Variants in ATP6V0A1 observed in about 807,000 individuals in gnomAD.
The protein encoded by ATP6V0A1 is V-type proton ATPase 116 kDa subunit a 1.
Under a neutral mutation model 105.4 loss-of-function variants are expected in ATP6V0A1, and 43 were observed. The ratio of observed to expected loss-of-function variants is 0.41; its 90% CI spans 0.32 to 0.53. The LOEUF is 0.53. Among genes scored for constraint, ATP6V0A1 ranks in the 20% least tolerant of loss-of-function variants. ATP6V0A1 has a pLI of 0.30. For synonymous variants in ATP6V0A1, 362 were observed against 372.8 expected, an observed-to-expected ratio of 0.97 and a Z score of 0.33; for missense variants, 676 against 1,051.1, an observed-to-expected ratio of 0.64 and a Z score of 4.93.
intron 2 of ATP6V0A1, among the ~76,000 whole-genome samples, chr17:42,462,388 T>G (rs1291758236): frequency 6.6e-6 from 1 of 151,958 alleles, no homozygotes; most frequent in East Asian, 1.9e-4. Context: ...TGTTTTGCTT[T>G]TATTTCTCCT....
At chr17:42,486,913 T>C (rs1446811658) in intron 9 of ATP6V0A1, among the ~76,000 whole-genome samples, 3 of 152,206 alleles carry the variant, frequency 2.0e-5, no homozygotes, top group Non-Finnish European at 4.4e-5. Flanking sequence ...ATTGAACATA[T>C]ATAGAAAAGC....
At chr17:42,460,434 G>A (rs1439188031) in intron 1 of ATP6V0A1, 1 of 158,072 alleles carries the variant, frequency 6.3e-6, no homozygotes, top group Non-Finnish European at 1.4e-5. Context: ...CTTTATGAGA[G>A]GGTATTGAAG....
At chr17:42,479,465 A>G (rs1406776751) in intron 7 of ATP6V0A1, among the ~76,000 whole-genome samples, 2 of 152,264 alleles carry the variant, frequency 1.3e-5, no homozygotes, top group African/African-American at 4.8e-5. Context: ...GCATTTAGGT[A>G]TGGTGAGTCC....
chr17:42,521,074 T>C lies in ATP6V0A1; in HGVS notation c.2468T>C (p.Leu823Ser), dbSNP rs976674451. Residue 823 changes from leucine (L) to serine (S), a missense_variant, in exon 22 of 22, where the codon TTA (leucine) becomes TCA (serine). By Grantham distance (145) the Leu-to-Ser change is moderately radical (BLOSUM62 -2). Around this residue, in one of 3 missense-constraint regions of ATP6V0A1, gnomAD observed 435 missense variants for 642.2 expected, o/e 0.68. Coordinates refer to ENST00000343619, the MANE Select transcript of ATP6V0A1 (RefSeq NM_001130021.3). The surrounding 1 kb of genome is among the most constrained non-coding windows in gnomAD (Gnocchi z 4.8). Reference protein sequence around the residue: ...KFYSGTGFKFLPFSFEHIREG... With the variant: ...KFYSGTGFKFSPFSFEHIREG... ...TACAGCGGGACCGGTTTCAAGTTCT[T>C]ACCCTTCTCCTTCGAGCATATTCGG... 6 of 1,610,762 alleles carry C rather than the reference T, an allele frequency of 3.7e-6. No homozygotes were observed. Among genetic ancestry groups the C allele is most frequent in the East Asian group, 4.5e-5 (2 of 44,510 alleles).
At chr17:42,469,221 A>G (rs2087522540) in intron 4 of ATP6V0A1, among the ~76,000 whole-genome samples, 1 of 151,840 alleles carries the variant, frequency 6.6e-6, no homozygotes. Flanking sequence ...TAATTATTTT[A>G]TCCATCTGAA....
intron 19 of ATP6V0A1, among the ~76,000 whole-genome samples, chr17:42,512,692 G>A (rs1161127063): frequency 6.6e-6 from 1 of 152,220 alleles, no homozygotes; most frequent in Non-Finnish European, 1.5e-5. Context: ...GGCTGTTGTG[G>A]CTTTACCAGC....
At chr17:42,466,796 A>T (rs2087128066) in intron 3 of ATP6V0A1, among the ~76,000 whole-genome samples, 1 of 152,154 alleles carries the variant, frequency 6.6e-6, no homozygotes, top group South Asian at 2.1e-4. Context: ...GAGAAATAGG[A>T]CCCAGCACAC....
chr17:42,490,420 A>G (rs1217391502), intron 10 of ATP6V0A1, 67 bp from the exon 11 acceptor site: 1 of 1,409,982 alleles, frequency 7.1e-7, no homozygotes, highest in East Asian at 2.5e-5. Context: ...AGAAATGTAC[A>G]CCTGTGTAAC....
At chr17:42,516,988 G>A (rs1274023880) in intron 21 of ATP6V0A1, among the ~76,000 whole-genome samples, 1 of 152,224 alleles carries the variant, frequency 6.6e-6, no homozygotes, top group African/African-American at 2.4e-5. Context: ...GCTTAAAAGT[G>A]GGATGCCCTT....
In ATP6V0A1 at chr17:42,466,561, A is replaced by C; in HGVS notation, c.196+54A>C. On this transcript the variant is annotated intron_variant, in intron 3 of 21. Coordinates refer to ENST00000343619, the MANE Select transcript of ATP6V0A1 (RefSeq NM_001130021.3). ...TCCTTTAATGAATCATTTGTCTTAGATTAGTGACATTAGTCCTCTTAATAG... is the reference window on the plus strand; with the variant it reads ...TCCTTTAATGAATCATTTGTCTTAGCTTAGTGACATTAGTCCTCTTAATAG... The C allele has an allele frequency of 2.1e-6, 3 of 1,431,358 alleles. No individual in the cohort carries two copies. The South Asian group carries it at 3.5e-5, about 17-fold the overall frequency. 88.7% of individuals were successfully genotyped at this position (1,431,358 alleles called of 1,614,324 possible).
chr17:42,484,737 C>T (rs1203930302), intron 9 of ATP6V0A1, among the ~76,000 whole-genome samples: 5 of 152,092 alleles, frequency 3.3e-5, no homozygotes, highest in Admixed American at 3.3e-4. Flanking sequence ...TGATTGCCCC[C>T]TTAGAATATT....
At chr17:42,486,473 C>T (rs1361356486) in intron 9 of ATP6V0A1, among the ~76,000 whole-genome samples, 1 of 151,962 alleles carries the variant, frequency 6.6e-6, no homozygotes, top group African/African-American at 2.4e-5. Flanking sequence ...CTGTACCTTC[C>T]TCCCACCTTA....
intron 10 of ATP6V0A1, among the ~76,000 whole-genome samples, chr17:42,490,167 A>C (rs954936629): frequency 1.3e-5 from 2 of 152,214 alleles, no homozygotes; most frequent in Non-Finnish European, 2.9e-5. Flanking sequence ...AAAAAGGCAG[A>C]TATGGAGGCA....
At position 42,473,217 on chromosome 17, in the gene ATP6V0A1, G is replaced by A. The variant is rs113318183; in HGVS notation, c.423+2999G>A. ...CAGTCCCTAATGACATCACGTTAGA[G>A]GGTGTGGGACAGTGTGATTAACTCT... On this transcript the variant is annotated intron_variant, in intron 5 of 21. Transcript: ENST00000343619. Among the ~76,000 whole-genome samples, 1,417 of 152,316 alleles carry A rather than the reference G, an allele frequency of 9.3e-3. 29 individuals carry two copies. Among genetic ancestry groups the A allele is most frequent in the African/African-American group, 0.031 (1,305 of 41,556 alleles).
rs992361615 is a variant in ATP6V0A1 at position 42,500,743 on chromosome 17, T to A, written c.1716T>A (p.Phe572Leu). ...FKKPLNIYFGFIPEIIFMTSL... is the reference protein window; with the variant it reads ...FKKPLNIYFGLIPEIIFMTSL... Reference sequence around the variant, plus strand: ...AGCCCCTGAATATCTACTTTGGATTTATTCCTGAAATAATCTTCATGACCT... The same window carrying A: ...AGCCCCTGAATATCTACTTTGGATTAATTCCTGAAATAATCTTCATGACCT... The change falls in exon 16 of 22, where the codon TTT becomes TTA. Residue 572 changes from phenylalanine (F) to leucine (L), a missense_variant. Phe to Leu is a conservative substitution (Grantham distance 22). This residue lies in a region of ATP6V0A1 where 435 missense variants were observed against 642.2 expected (regional missense o/e 0.68). Transcript: ENST00000343619. 2 of 1,613,938 alleles carry A rather than the reference T, an allele frequency of 1.2e-6. No individual in the cohort carries two copies. The highest frequency in any genetic ancestry group is 2.7e-5 in the African/African-American group (2 of 74,952).
chr17:42,505,686 C>T (rs958184070), intron 17 of ATP6V0A1, among the ~76,000 whole-genome samples: 1 of 152,144 alleles, frequency 6.6e-6, no homozygotes, highest in South Asian at 2.1e-4. Context: ...GAATATTCCA[C>T]TGGACATGCC....
At chr17:42,462,129 C>T (rs931679951) in intron 2 of ATP6V0A1, among the ~76,000 whole-genome samples, 7 of 149,034 alleles carry the variant, frequency 4.7e-5, no homozygotes, top group East Asian at 4.0e-4. Flanking sequence ...GTGGGAGGAT[C>T]GCTGAAGCCC....
At chr17:42,494,226 T>G (rs2090938280) in intron 11 of ATP6V0A1, 108 bp from the exon 12 acceptor site, 3 of 1,135,720 alleles carry the variant, frequency 2.6e-6, no homozygotes, top group Non-Finnish European at 3.7e-6. Flanking sequence ...AGAGCAAGAC[T>G]CCATCTCAAA....
chr17:42,468,043 T>C lies in ATP6V0A1; in HGVS notation c.230T>C (p.Ile77Thr), dbSNP rs768640506. 1.9e-6 allele frequency: 3 copies of C among 1,605,932 alleles called. No individual in the cohort carries two copies. Among genetic ancestry groups the C allele is most frequent in the African/African-American group, 1.3e-5 (1 of 74,766 alleles). Residue 77 changes from isoleucine (I) to threonine (T), a missense_variant, in exon 4 of 22, where the codon ATT becomes ACT. By Grantham distance (89) the Ile-to-Thr change is moderately conservative. This residue lies in a region of ATP6V0A1 where 239 missense variants were observed against 388.4 expected (regional missense o/e 0.62). Coordinates refer to ENST00000343619, the MANE Select transcript of ATP6V0A1 (RefSeq NM_001130021.3). ...GAGAAAGAGATAAGAAAAGCTAACA[T>C]TCCGATTATGGACACCGGTGAAAAC... ...FVEKEIRKAN[I>T]PIMDTGENPE...
Sources: allele counts gnomAD v4.1 joint callset (sites outside exome capture counted in the v4.1 genomes callset), GRCh38; gene constraint gnomAD v4.1.1; regional missense constraint gnomAD v4.1.1; non-coding constraint Gnocchi (gnomAD v3.1); transcripts MANE v1.5; gene names NCBI Gene and HGNC (gene_info 2026-07-23, HGNC 2026-07-21).